The following BAZ1B variants were observed in gnomAD, a reference collection of about 807,000 sequenced individuals.
BAZ1B encodes the protein bromodomain adjacent to zinc finger domain 1B.
A neutral mutation model predicts 153.8 loss-of-function variants in BAZ1B; 22 were observed. The ratio of observed to expected loss-of-function variants is 0.14; its 90% CI spans 0.10 to 0.20. The LOEUF (loss-of-function observed/expected upper bound fraction) is 0.20, where lower values mean the gene tolerates loss of function less well. Ranked by LOEUF, BAZ1B falls within the 10% of genes least tolerant of loss-of-function variation. The pLI, the probability that BAZ1B is intolerant of heterozygous loss-of-function variation, is 1.00. For missense variants in BAZ1B, 1,325 were observed against 1,799.3 expected, an observed-to-expected ratio of 0.74 and a Z score of 4.77; for synonymous variants, 676 against 633.4, an observed-to-expected ratio of 1.07 and a Z score of -1.01.
chr7:73,492,258 G>A (rs1379432237), intron 5 of BAZ1B, among the ~76,000 whole-genome samples: 2 of 152,160 alleles, frequency 1.3e-5, no homozygotes, highest in African/African-American at 4.8e-5. Flanking sequence ...CGCCTCCCAG[G>A]TTCATGCCAT....
At chr7:73,482,042 A>AAAACAAAC (rs1236409818) in intron 6 of BAZ1B, among the ~76,000 whole-genome samples, 1 of 152,204 alleles carries the variant, frequency 6.6e-6, no homozygotes, top group Non-Finnish European at 1.5e-5. Flanking sequence ...CTGTCTCAAA[A>AAAACAAAC]AAACAAACAA....
At chr7:73,445,415 A>G (rs936753286) in intron 16 of BAZ1B, among the ~76,000 whole-genome samples, 4 of 152,174 alleles carry the variant, frequency 2.6e-5, no homozygotes, top group African/African-American at 7.2e-5. Context: ...TAGAGTTGAC[A>G]AAAAGCTCTG....
intron 1 of BAZ1B, among the ~76,000 whole-genome samples, chr7:73,514,100 A>G (rs141133408): frequency 1.1e-3 from 167 of 152,334 alleles, no homozygotes; most frequent in African/African-American, 3.9e-3. Flanking sequence ...AAATGCTCCA[A>G]TGAGCTCTTC....
intron 4 of BAZ1B, among the ~76,000 whole-genome samples, chr7:73,494,297 T>A (rs1789784627): frequency 6.6e-6 from 1 of 151,694 alleles, no homozygotes. Context: ...GCAGAAGAAT[T>A]GCTTGAACCC....
chr7:73,479,038 G>A (rs1295357921), intron 6 of BAZ1B, among the ~76,000 whole-genome samples: 3 of 151,866 alleles, frequency 2.0e-5, no homozygotes, highest in African/African-American at 7.3e-5. Flanking sequence ...CCTATTCAGG[G>A]CATTTTATGC....
intron 6 of BAZ1B, among the ~76,000 whole-genome samples, chr7:73,480,996 G>A (rs1789176751): frequency 6.6e-6 from 1 of 152,014 alleles, no homozygotes; most frequent in African/African-American, 2.4e-5. Context: ...GCGCAATCCT[G>A]GCTCACTGCA....
rs1788448071 is a variant in BAZ1B at position 73,463,005 on chromosome 7, G to A, written c.3166C>T (p.Arg1056Cys). ...GTTGCAACTTCAATGAGATCACTAC[G>A]AAGGAAGTTTAAAAGCTCCTGGTTG... is the stretch of plus-strand genomic sequence containing the variant. ...DGNQELLNFLRSDLIEVATRL... is the reference protein window; with the variant it reads ...DGNQELLNFLCSDLIEVATRL... The change falls in exon 12 of 20, where the codon CGT becomes TGT. Residue 1056 changes from arginine to cysteine, a missense_variant. Arg to Cys is a radical substitution (Grantham distance 180). Transcript: ENST00000339594. The A allele has an allele frequency of 1.2e-6, 2 of 1,613,822 alleles. No individual in the cohort carries two copies. Among genetic ancestry groups the A allele is most frequent in the Admixed American group, 1.7e-5 (1 of 59,978 alleles).
Position 73,492,887 on chromosome 7 carries a change from A to C in BAZ1B, c.606T>G (p.Pro202=), listed in dbSNP as rs782292174. 1.9e-6 allele frequency: 3 copies of C among 1,611,134 alleles called. No homozygotes were observed. Among genetic ancestry groups the C allele is most frequent in the Non-Finnish European group, 2.5e-6 (3 of 1,179,254 alleles). The part of the protein sequence containing the change: ...DRARRSPRKL[P]TSLKKGERKW... ...TCCTTTCTCCTTTTTTTAATGAAGT[A>C]GGAAGTTTTCGTGGCGATCTACGTG... The change falls in exon 5 of 20, where the codon CCT becomes CCG. Residue 202 remains proline, a synonymous_variant. Transcript: ENST00000339594.
At chr7:73,463,239 CTTTTTTTTTT>C (rs11340027) in intron 11 of BAZ1B, 140 bp from the exon 12 acceptor site, 4 of 466,554 alleles carry the variant, frequency 8.6e-6, no homozygotes, top group African/African-American at 2.4e-5. Flanking sequence ...TTTCTTTTTT[CTTTTTTTTTT>C]TTTTTTTTCC....
chr7:73,463,232 CTTTTTTCTTT>C, intron 11 of BAZ1B, 133 bp from the exon 12 acceptor site: 1 of 638,504 alleles, frequency 1.6e-6, no homozygotes, highest in Non-Finnish European at 2.4e-6. Flanking sequence ...GGTGTTTTTT[CTTTTTTCTTT>C]TTTTTTTTTT....
intron 1 of BAZ1B, among the ~76,000 whole-genome samples, chr7:73,511,163 G>C (rs1554578528): frequency 2.0e-5 from 3 of 152,048 alleles, no homozygotes; most frequent in Non-Finnish European, 4.4e-5. Flanking sequence ...AGCTACTCAG[G>C]AGGCTGAGGC....
intron 13 of BAZ1B, among the ~76,000 whole-genome samples, chr7:73,451,416 A>G (rs546950678): frequency 6.6e-6 from 1 of 152,334 alleles, no homozygotes; most frequent in South Asian, 2.1e-4. Flanking sequence ...GTCCTTGTGA[A>G]GTAATGAATC....
chr7:73,512,165 A>G (rs1157590713), intron 1 of BAZ1B, among the ~76,000 whole-genome samples: 1 of 150,960 alleles, frequency 6.6e-6, no homozygotes, highest in Non-Finnish European at 1.5e-5. Context: ...CCTCCAGTCC[A>G]CCTTGGAAAC....
Position 73,514,503 on chromosome 7 carries a change from A to G in BAZ1B, c.108-3651T>C, listed in dbSNP as rs1003036571. On this transcript the variant is annotated intron_variant, in intron 1 of 19. Transcript: ENST00000339594. ...AGCTGAGATCATGCCATTGCACTGT[A>G]GCCTGGGCAACAAGAGTGAAACTCA... Among the ~76,000 whole-genome samples the G allele has an allele frequency of 2.7e-5, 4 of 150,874 alleles. No homozygotes were observed. In the Admixed American group the frequency reaches 2.7e-4, roughly 10 times the overall value.
At chr7:73,471,458 A>C (rs1254418177) in intron 7 of BAZ1B, among the ~76,000 whole-genome samples, 2 of 152,192 alleles carry the variant, frequency 1.3e-5, no homozygotes, top group East Asian at 3.8e-4. Flanking sequence ...ATTGTCACAA[A>C]CCTTGACACC....
intron 3 of BAZ1B, among the ~76,000 whole-genome samples, chr7:73,501,983 T>C (rs1228529587): frequency 6.7e-6 from 1 of 150,026 alleles, no homozygotes; most frequent in East Asian, 2.0e-4. Flanking sequence ...CTCCACCTCC[T>C]GGGTTCAAGC....
At chr7:73,493,744 G>C (rs116657898) in intron 4 of BAZ1B, among the ~76,000 whole-genome samples, 1 of 151,366 alleles carries the variant, frequency 6.6e-6, no homozygotes, top group African/African-American at 2.4e-5. Context: ...TGGGCGGCTA[G>C]GGTAGGATGG....
At chr7:73,488,498 G>A (rs555495610) in intron 6 of BAZ1B, among the ~76,000 whole-genome samples, 2 of 152,092 alleles carry the variant, frequency 1.3e-5, no homozygotes, top group East Asian at 1.9e-4. Flanking sequence ...TTGGGAGGCC[G>A]AGGCAGGCGG....
At chr7:73,498,724 C>CAGAGATAATAA in intron 3 of BAZ1B, 26 bp from the exon 4 acceptor site, 1 of 1,602,964 alleles carries the variant, frequency 6.2e-7, no homozygotes, top group Non-Finnish European at 8.5e-7. Flanking sequence ...TAGAGAAAAT[C>CAGAGATAATAA]AGAGATAATA....
Sources: allele counts gnomAD v4.1 joint callset (sites outside exome capture counted in the v4.1 genomes callset), GRCh38; gene constraint gnomAD v4.1.1; transcripts MANE v1.5; gene names NCBI Gene and HGNC (gene_info 2026-07-23, HGNC 2026-07-21).